APP: variants seen among roughly 807,000 people sequenced by gnomAD.
APP encodes the protein amyloid beta precursor protein, also known as amyloid-beta precursor protein.
A neutral mutation model predicts 101.4 loss-of-function variants in APP; 31 were observed. The observed-to-expected ratio is 0.31, with a 90% CI of 0.23 to 0.41. The LOEUF is 0.41. Ranked by LOEUF, APP falls within the 10% of genes least tolerant of loss-of-function variation. The pLI, the probability that APP is intolerant of heterozygous loss-of-function variation, is 1.00. For synonymous variants in APP, 366 were observed against 364.4 expected (o/e 1.00, Z -0.05); for missense variants, 839 against 1,003.7 (o/e 0.84, Z 2.22).
In APP at chr21:26,097,921, A is replaced by G. The variant is rs1246440519; in HGVS notation, c.226-7849T>C. Among the ~76,000 whole-genome samples, 9 of 152,132 alleles carry G rather than the reference A, an allele frequency of 5.9e-5. No individual in the cohort carries two copies. In the East Asian group the frequency reaches 1.7e-3, roughly 29 times the overall value. Reference sequence around the variant, plus strand: ...TGGTGAAACCCCGTCTCTACTAAAAAATACAAAAATTAGCCGGGCATGGTG... The same window carrying G: ...TGGTGAAACCCCGTCTCTACTAAAAGATACAAAAATTAGCCGGGCATGGTG... On this transcript the variant is annotated intron_variant, in intron 2 of 17. Transcript: ENST00000346798.
chr21:25,992,741 C>T (rs750715561), intron 8 of APP, among the ~76,000 whole-genome samples: 1 of 152,174 alleles, frequency 6.6e-6, no homozygotes, highest in African/African-American at 2.4e-5. Context: ...CTGGCACTGA[C>T]GTGACAGGTA....
chr21:26,029,207 C>T (rs1439396164), intron 5 of APP, among the ~76,000 whole-genome samples: 1 of 152,156 alleles, frequency 6.6e-6, no homozygotes, highest in Non-Finnish European at 1.5e-5. Context: ...CTTACAGCAA[C>T]TGGAACGACT....
At chr21:26,052,213 T>C (rs1015065020) in intron 4 of APP, among the ~76,000 whole-genome samples, 7 of 152,194 alleles carry the variant, frequency 4.6e-5, no homozygotes, top group African/African-American at 1.7e-4. Context: ...CCCAGCACTA[T>C]TGATGTTTTG....
chr21:26,127,007 T>C (rs1405873919), intron 1 of APP, among the ~76,000 whole-genome samples: 1 of 151,142 alleles, frequency 6.6e-6, no homozygotes, highest in Non-Finnish European at 1.5e-5. Flanking sequence ...TTTTAAAAGG[T>C]AGTTGGTGTA....
At chr21:25,955,372 G>A (rs2041269057) in intron 12 of APP, among the ~76,000 whole-genome samples, 1 of 152,052 alleles carries the variant, frequency 6.6e-6, no homozygotes, top group Admixed American at 6.6e-5. Context: ...TTTAGTCATT[G>A]GTTTTAATCA....
intron 13 of APP, among the ~76,000 whole-genome samples, chr21:25,921,398 TAG>T (rs1288124232): frequency 7.1e-5 from 10 of 140,580 alleles, no homozygotes; most frequent in Non-Finnish European, 1.4e-4. Context: ...CTGAAGGAAA[TAG>T]AGACACAAAA....
At chr21:26,041,648 T>C (rs1442822971) in intron 5 of APP, among the ~76,000 whole-genome samples, 1 of 152,014 alleles carries the variant, frequency 6.6e-6, no homozygotes, top group Non-Finnish European at 1.5e-5. Flanking sequence ...TTGCCAGATG[T>C]AGCTCAGACA....
intron 1 of APP, among the ~76,000 whole-genome samples, chr21:26,164,991 T>G (rs900142147): frequency 2.6e-5 from 4 of 152,120 alleles, no homozygotes; most frequent in Non-Finnish European, 5.9e-5. Flanking sequence ...TCAATGAGCA[T>G]GAATTATTTT....
intron 13 of APP, among the ~76,000 whole-genome samples, chr21:25,936,874 CTTCT>C (rs1014263051): frequency 4.6e-5 from 7 of 152,084 alleles, no homozygotes; most frequent in Non-Finnish European, 8.8e-5. Context: ...CTTTCTTCGG[CTTCT>C]TTTTCTTTTT....
intron 6 of APP, among the ~76,000 whole-genome samples, chr21:26,006,897 TATTTC>T (rs2043555149): frequency 6.6e-6 from 1 of 152,182 alleles, no homozygotes; most frequent in Non-Finnish European, 1.5e-5. Flanking sequence ...TGGTTATTAT[TATTTC>T]ATTTTTAATC....
At chr21:26,052,631 A>G (rs1409200831) in intron 4 of APP, among the ~76,000 whole-genome samples, 1 of 152,220 alleles carries the variant, frequency 6.6e-6, no homozygotes, top group Non-Finnish European at 1.5e-5. Flanking sequence ...CTGTGGAAAA[A>G]TCAAGATGGT....
chr21:26,086,096 A>G (rs1345416759), intron 3 of APP, among the ~76,000 whole-genome samples: 1 of 152,238 alleles, frequency 6.6e-6, no homozygotes, highest in Non-Finnish European at 1.5e-5. Context: ...TGGATCTATT[A>G]CACCATGAAG....
chr21:25,990,720 C>T lies in APP; in HGVS notation c.1090+6640G>A, dbSNP rs550314586. Among the ~76,000 whole-genome samples, 318 of 138,006 alleles carry T rather than the reference C, an allele frequency of 2.3e-3. 1 individual carries two copies. The highest frequency in any genetic ancestry group is 3.7e-3 in the Non-Finnish European group (242 of 65,590). 90.5% of individuals were successfully genotyped at this position (138,006 alleles called of 152,430 possible). On this transcript the variant is annotated intron_variant, in intron 8 of 17. Coordinates refer to ENST00000346798, the MANE Select transcript of APP (RefSeq NM_000484.4). ...CCCCAGCCTTCCAGAGCAATCTTCT[C>T]CTACACTTCTATATTTCCTTTATAT...
chr21:25,955,108 T>C (rs1407023978), intron 12 of APP, among the ~76,000 whole-genome samples: 1 of 152,162 alleles, frequency 6.6e-6, no homozygotes, highest in Non-Finnish European at 1.5e-5. Flanking sequence ...GAAAACAACG[T>C]ATTTCAATTT....
In APP at chr21:26,089,963, A is replaced by G; in HGVS notation, c.335T>C (p.Val112Ala). 6.2e-7 allele frequency: 1 copy of G among 1,614,156 alleles called. No individual in the cohort carries two copies. The highest frequency in any genetic ancestry group is 8.5e-7 in the Non-Finnish European group (1 of 1,180,022). Residue 112 changes from valine (V) to alanine (A), a missense_variant, in exon 3 of 18, where the codon GTG becomes GCG. Val to Ala is a moderately conservative substitution (Grantham distance 64, BLOSUM62 0). Transcript: ENST00000346798. ...RKQCKTHPHF[V>A]IPYRCLVGEF... ...CTCACCTAAGCAGCGGTAGGGAATC[A>G]CAAAGTGGGGATGGGTCTTGCACTG... is the stretch of plus-strand genomic sequence containing the variant.
At chr21:26,126,281 A>G (rs2062683067) in intron 1 of APP, among the ~76,000 whole-genome samples, 1 of 152,238 alleles carries the variant, frequency 6.6e-6, no homozygotes, top group Admixed American at 6.5e-5. Context: ...ATTAGAATAG[A>G]AGTGCCTCTT....
At chr21:25,970,971 AAG>A (rs1360295191) in intron 11 of APP, among the ~76,000 whole-genome samples, 1 of 152,184 alleles carries the variant, frequency 6.6e-6, no homozygotes, top group East Asian at 1.9e-4. Context: ...AATTCCAGCC[AAG>A]ATTGAGTGAG....
intron 3 of APP, among the ~76,000 whole-genome samples, chr21:26,076,225 A>C (rs1287130378): frequency 6.6e-6 from 1 of 151,808 alleles, no homozygotes; most frequent in African/African-American, 2.4e-5. Flanking sequence ...ACACCTCTTC[A>C]TTTTCTTTAC....
intron 3 of APP, among the ~76,000 whole-genome samples, chr21:26,053,985 A>G (rs1427686176): frequency 6.6e-6 from 1 of 152,256 alleles, no homozygotes; most frequent in South Asian, 2.1e-4. Flanking sequence ...TAAAGATATT[A>G]CATAAAGTCC....
Sources: gnomAD v4.1 joint callset for allele counts (sites outside exome capture counted in the v4.1 genomes callset) on GRCh38, gnomAD v4.1.1 for gene constraint, MANE v1.5 for transcripts, NCBI Gene and HGNC (gene_info 2026-07-23, HGNC 2026-07-21) for gene names.